The following NHSL1 variants were observed in gnomAD, a reference collection of about 807,000 sequenced individuals.
NHSL1 encodes NHS-like protein 1.
In NHSL1, 48 loss-of-function variants were observed where a neutral mutation model predicts 95.0. The observed-to-expected ratio is 0.51, with a 90% CI of 0.40 to 0.64. The LOEUF (loss-of-function observed/expected upper bound fraction) is 0.64, where lower values mean the gene tolerates loss of function less well. Among genes scored for constraint, NHSL1 ranks in the 30% least tolerant of loss-of-function variants. The pLI is 0.00. For synonymous variants in NHSL1, 783 were observed against 833.9 expected, an observed-to-expected ratio of 0.94 and a Z score of 1.05; for missense variants, 1,971 against 2,077.7, an observed-to-expected ratio of 0.95 and a Z score of 1.00.
intron 1 of NHSL1, among the ~76,000 whole-genome samples, chr6:138,521,163 C>G (rs1383809176): frequency 6.6e-6 from 1 of 152,172 alleles, no homozygotes; most frequent in Non-Finnish European, 1.5e-5. Flanking sequence ...CAATAGTATT[C>G]GTTTCAAAAC....
intron 2 of NHSL1, among the ~76,000 whole-genome samples, chr6:138,489,861 A>G (rs1004526081): frequency 9.7e-4 from 72 of 73,914 alleles, no homozygotes; most frequent in East Asian, 2.9e-3. Context: ...AGGGAGAGAG[A>G]GAGAGAGAGA....
upstream of NHSL1, among the ~76,000 whole-genome samples, chr6:138,573,454 A>G (rs924057723): frequency 1.2e-4 from 19 of 152,226 alleles, no homozygotes; most frequent in African/African-American, 4.6e-4. Flanking sequence ...ACAAACTGCA[A>G]TAGAAAATAA....
chr6:138,663,122 C>CATA (rs1483508518), intron 1 of NHSL1, among the ~76,000 whole-genome samples: 1 of 145,248 alleles, frequency 6.9e-6, no homozygotes, highest in Admixed American at 6.8e-5. Flanking sequence ...TCAAATAATA[C>CATA]ATATTTCCCT....
chr6:138,486,312 A>G (rs569185131), intron 2 of NHSL1, among the ~76,000 whole-genome samples: 2 of 152,140 alleles, frequency 1.3e-5, no homozygotes, highest in Non-Finnish European at 2.9e-5. Context: ...TCTTTAAAAC[A>G]ATTACTTTTA....
intron 1 of NHSL1, among the ~76,000 whole-genome samples, chr6:138,675,431 A>G (rs979709616): frequency 1.3e-5 from 2 of 152,194 alleles, no homozygotes; most frequent in Non-Finnish European, 2.9e-5. Flanking sequence ...TCAGGGTCAC[A>G]CAGCTTAGGG....
At chr6:138,616,587 T>C (rs1001229790) in intron 1 of NHSL1, among the ~76,000 whole-genome samples, 4 of 152,056 alleles carry the variant, frequency 2.6e-5, no homozygotes, top group African/African-American at 7.2e-5. Flanking sequence ...AAAGCTGATT[T>C]GGGTGTACCT....
intron 1 of NHSL1, among the ~76,000 whole-genome samples, chr6:138,515,667 T>C (rs1037230018): frequency 1.3e-5 from 2 of 152,206 alleles, no homozygotes; most frequent in Admixed American, 6.5e-5. Context: ...AGGCATTCTA[T>C]TGGACGGAAG....
At chr6:138,506,997 C>T (rs9321661) in intron 1 of NHSL1, among the ~76,000 whole-genome samples, 44,785 of 151,978 alleles carry the variant, frequency 0.29, 7,897 homozygotes, top group East Asian at 0.77. Context: ...TTTTTGCATC[C>T]GGCATTTTTC....
chr6:138,515,931 C>T (rs1319050273), intron 1 of NHSL1, among the ~76,000 whole-genome samples: 1 of 152,194 alleles, frequency 6.6e-6, no homozygotes, highest in African/African-American at 2.4e-5. Flanking sequence ...TGAAGGCGCA[C>T]GCCGTCTCTC....
intron 2 of NHSL1, among the ~76,000 whole-genome samples, chr6:138,490,779 A>G (rs1450722198): frequency 6.6e-6 from 1 of 152,112 alleles, no homozygotes; most frequent in Non-Finnish European, 1.5e-5. Context: ...GACTACAGGC[A>G]TGCGCCACCA....
At chr6:138,544,407 A>G (rs1222952490) in intron 1 of NHSL1, among the ~76,000 whole-genome samples, 1 of 152,092 alleles carries the variant, frequency 6.6e-6, no homozygotes, top group African/African-American at 2.4e-5. Flanking sequence ...GCTTGAGGAC[A>G]GAAAAATGTG....
At chr6:138,472,603 T>C (rs1478284882) in intron 3 of NHSL1, among the ~76,000 whole-genome samples, 1 of 152,242 alleles carries the variant, frequency 6.6e-6, no homozygotes, top group Non-Finnish European at 1.5e-5. Flanking sequence ...TTATTTTAAG[T>C]AATTCCAGTG....
rs558147999 is a variant in NHSL1 at position 138,673,497 on chromosome 6, T to C, written c.96+18979A>G. On this transcript the variant is annotated intron_variant, in intron 1 of 3. Transcript: ENST00000491526. ...AAAAAACACACAGTCAAGTTTCATT[T>C]CTGGCAACAGAGATAGGGAGGCCCA... 3.9e-5 allele frequency among the ~76,000 whole-genome samples: 6 copies of C among 152,272 alleles called. No homozygotes were observed. In the East Asian group the frequency reaches 1.2e-3, roughly 29 times the overall value.
At chr6:138,670,665 C>CAAAAAAAAAAAAAA (rs370888768) in intron 1 of NHSL1, among the ~76,000 whole-genome samples, 3 of 69,362 alleles carry the variant, frequency 4.3e-5, no homozygotes, top group South Asian at 5.4e-4. Context: ...GACTCCGTCT[C>CAAAAAAAAAAAAAA]AAAAAAAAAA....
intron 1 of NHSL1, among the ~76,000 whole-genome samples, chr6:138,590,499 C>T (rs1201141321): frequency 6.6e-6 from 1 of 152,150 alleles, no homozygotes; most frequent in Non-Finnish European, 1.5e-5. Context: ...TTTTGGCCTA[C>T]ACATCCTGCC....
upstream of NHSL1, among the ~76,000 whole-genome samples, chr6:138,500,776 G>A (rs1403366532): frequency 6.6e-6 from 1 of 151,724 alleles, no homozygotes; most frequent in Non-Finnish European, 1.5e-5. Context: ...TTCCTTCTCA[G>A]GTCTTTTTAT....
intron 1 of NHSL1, among the ~76,000 whole-genome samples, chr6:138,600,153 A>T (rs1784353549): frequency 6.6e-6 from 1 of 152,108 alleles, no homozygotes; most frequent in South Asian, 2.1e-4. Context: ...CAAAAAAAAA[A>T]TATTAATTAA....
chr6:138,578,247 C>T (rs1029325542), intron 1 of NHSL1, among the ~76,000 whole-genome samples: 2 of 152,186 alleles, frequency 1.3e-5, no homozygotes, highest in East Asian at 1.9e-4. Flanking sequence ...CTGAAAAGGG[C>T]GAACAGATCT....
At chr6:138,552,025 T>C (rs1042270962) in intron 1 of NHSL1, among the ~76,000 whole-genome samples, 1 of 152,222 alleles carries the variant, frequency 6.6e-6, no homozygotes, top group East Asian at 1.9e-4. Flanking sequence ...AAATGCTTCA[T>C]GGAGGCTCTT....
Sources: allele counts gnomAD v4.1 joint callset (sites outside exome capture counted in the v4.1 genomes callset), GRCh38; gene constraint gnomAD v4.1.1; transcripts MANE v1.5; gene names NCBI Gene and HGNC (gene_info 2026-07-23, HGNC 2026-07-21).